CTNNA2: variants seen among roughly 807,000 people sequenced by gnomAD.
CTNNA2 encodes the protein catenin alpha-2.
CTNNA2 carries 42 observed loss-of-function variants against 101.0 expected under a neutral mutation model. The ratio of observed to expected loss-of-function variants is 0.42; its 90% CI spans 0.32 to 0.54. CTNNA2 has a LOEUF of 0.54. CTNNA2 is among the 20% of genes least tolerant of loss of function. The pLI, the probability that CTNNA2 is intolerant of heterozygous loss-of-function variation, is 0.14. For synonymous variants in CTNNA2, 450 were observed against 456.4 expected, an observed-to-expected ratio of 0.99 and a Z score of 0.18; for missense variants, 871 against 1,223.1, an observed-to-expected ratio of 0.71 and a Z score of 4.29.
chr2:79,949,528 G>C (rs1688733322), intron 7 of CTNNA2, among the ~76,000 whole-genome samples: 1 of 152,168 alleles, frequency 6.6e-6, no homozygotes, highest in South Asian at 2.1e-4. Flanking sequence ...AGTACTTTGG[G>C]AGGCAAAGGC....
intron 4 of CTNNA2, among the ~76,000 whole-genome samples, chr2:79,415,075 C>A (rs1678463042): frequency 6.6e-6 from 1 of 152,152 alleles, no homozygotes; most frequent in Non-Finnish European, 1.5e-5. Flanking sequence ...CTCTCCAAAC[C>A]TCAGGTTGAA....
chr2:80,199,150 C>T (rs1487967475), intron 7 of CTNNA2, among the ~76,000 whole-genome samples: 2 of 130,608 alleles, frequency 1.5e-5, no homozygotes. Context: ...CATTGCACTC[C>T]AGCCTGGGAG....
chr2:80,245,795 T>TG (rs1491133172), intron 7 of CTNNA2, among the ~76,000 whole-genome samples: 18 of 32,332 alleles, frequency 5.6e-4, no homozygotes, highest in African/African-American at 4.1e-3. Flanking sequence ...ATGATTTAAC[T>TG]TTTTTTTTTT....
chr2:79,566,647 G>C lies in CTNNA2; in HGVS notation c.-6+53440G>C, dbSNP rs550688734. ...TCATATGAGATAATTATGATTATTTGAGTGAAAGAAAATACAATACTTTTT... is the reference window on the plus strand; with the variant it reads ...TCATATGAGATAATTATGATTATTTCAGTGAAAGAAAATACAATACTTTTT... On this transcript the variant is annotated intron_variant, in intron 1 of 18. Coordinates refer to ENST00000402739, the MANE Select transcript of CTNNA2 (RefSeq NM_001282597.3). Among the ~76,000 whole-genome samples the C allele has an allele frequency of 1.6e-4, 24 of 152,156 alleles. No homozygotes were observed. The East Asian group carries it at 4.6e-3, about 29-fold the overall frequency.
chr2:79,438,441 C>T lies in CTNNA2; in HGVS notation c.-135+64428C>T, dbSNP rs1486482561. Among the ~76,000 whole-genome samples, 3 of 152,260 alleles carry T rather than the reference C, an allele frequency of 2.0e-5. No individual in the cohort carries two copies. The East Asian group carries it at 5.8e-4, about 29-fold the overall frequency. On this transcript the variant is annotated intron_variant, in intron 4 of 21. Transcript: ENST00000466387. ...CTATGAAAGAGCAACATCTACATTACTGGAAAACAGGATGGTCGGCCCCTC... is the reference window on the plus strand; with the variant it reads ...CTATGAAAGAGCAACATCTACATTATTGGAAAACAGGATGGTCGGCCCCTC...
intron 3 of CTNNA2, among the ~76,000 whole-genome samples, chr2:79,827,833 G>A (rs1678566771): frequency 6.6e-6 from 1 of 152,194 alleles, no homozygotes; most frequent in Non-Finnish European, 1.5e-5. Flanking sequence ...GTAGTCACAT[G>A]GGATGAATTG....
chr2:79,870,007 G>C (rs1417669924), intron 5 of CTNNA2, 72 bp downstream of exon 5: 1 of 1,546,794 alleles, frequency 6.5e-7, no homozygotes, highest in African/African-American at 1.4e-5. Flanking sequence ...TTTTAGGCCT[G>C]AACAATGGAT....
chr2:79,996,341 G>A (rs1205108991), intron 7 of CTNNA2, among the ~76,000 whole-genome samples: 1 of 152,010 alleles, frequency 6.6e-6, no homozygotes, highest in Non-Finnish European at 1.5e-5. Flanking sequence ...TTGATATTTG[G>A]CCTCCTCTCT....
At chr2:80,166,349 T>C (rs11688887) in intron 7 of CTNNA2, among the ~76,000 whole-genome samples, 4,755 of 152,244 alleles carry the variant, frequency 0.031, 82 homozygotes, top group African/African-American at 0.048. Context: ...GGACTGGAGA[T>C]TGACTCAGTC....
At chr2:80,374,682 C>CGT (rs57179557) in intron 7 of CTNNA2, among the ~76,000 whole-genome samples, 2,821 of 133,954 alleles carry the variant, frequency 0.021, 53 homozygotes, top group East Asian at 0.092. Context: ...TGCGTGCGTG[C>CGT]GTGTGTGTGT....
intron 7 of CTNNA2, among the ~76,000 whole-genome samples, chr2:79,991,014 T>A (rs1692136058): frequency 6.6e-6 from 1 of 152,222 alleles, no homozygotes; most frequent in Admixed American, 6.5e-5. Flanking sequence ...AGGGTGTATG[T>A]GTCCAGGAGT....
intron 2 of CTNNA2, among the ~76,000 whole-genome samples, chr2:79,268,506 A>T (rs949543202): frequency 6.6e-6 from 1 of 152,124 alleles, no homozygotes; most frequent in East Asian, 1.9e-4. Flanking sequence ...TGAGCTGCTC[A>T]CACTAATTAA....
At position 80,393,273 on chromosome 2, in the gene CTNNA2, A is replaced by C. The variant is rs1677690634; in HGVS notation, c.1119A>C (p.Thr373=). 2 of 1,610,528 alleles carry C rather than the reference A, an allele frequency of 1.2e-6. No individual in the cohort carries two copies. Among genetic ancestry groups the C allele is most frequent in the African/African-American group, 1.3e-5 (1 of 74,774 alleles). The change falls in exon 8 of 19, where the codon ACA becomes ACC. Residue 373 remains threonine, a synonymous_variant. Transcript: ENST00000402739. ...NIAIDKMTKK[T]RDLRRQLRKA... ...CGATTGATAAGATGACTAAGAAAAC[A>C]AGAGATCTAAGGAGACAGGTACTAT...
At chr2:79,258,881 A>G (rs928796760) in intron 2 of CTNNA2, among the ~76,000 whole-genome samples, 3 of 148,948 alleles carry the variant, frequency 2.0e-5, no homozygotes, top group Admixed American at 6.7e-5. Context: ...AGGCAAACGA[A>G]TCTGATTGTA....
intron 1 of CTNNA2, among the ~76,000 whole-genome samples, chr2:79,556,046 G>T (rs1674423230): frequency 6.6e-6 from 1 of 151,924 alleles, no homozygotes; most frequent in African/African-American, 2.4e-5. Flanking sequence ...TATAGTCCTT[G>T]TTTTTATTTT....
chr2:79,989,087 A>G (rs1176245958), intron 7 of CTNNA2, among the ~76,000 whole-genome samples: 1 of 152,236 alleles, frequency 6.6e-6, no homozygotes, highest in Non-Finnish European at 1.5e-5. Context: ...TAGGCAAAAG[A>G]AGACAGGATG....
chr2:79,902,864 A>G (rs1685157855), intron 6 of CTNNA2, among the ~76,000 whole-genome samples: 1 of 152,036 alleles, frequency 6.6e-6, no homozygotes, highest in South Asian at 2.1e-4. Context: ...TGACCTTGTG[A>G]TCTGCCTGCC....
At chr2:79,465,419 T>C (rs1393038032) in intron 4 of CTNNA2, among the ~76,000 whole-genome samples, 1 of 152,238 alleles carries the variant, frequency 6.6e-6, no homozygotes, top group Non-Finnish European at 1.5e-5. Flanking sequence ...GGTAGCCTGA[T>C]GCCTCCAGCT....
At chr2:79,715,255 A>G (rs1337078613) in intron 2 of CTNNA2, among the ~76,000 whole-genome samples, 2 of 149,110 alleles carry the variant, frequency 1.3e-5, no homozygotes, top group East Asian at 4.0e-4. Flanking sequence ...TTAAGGATCT[A>G]GGGGTATTTA....
Sources: allele counts gnomAD v4.1 joint callset (sites outside exome capture counted in the v4.1 genomes callset), GRCh38; gene constraint gnomAD v4.1.1; transcripts MANE v1.5; gene names NCBI Gene and HGNC (gene_info 2026-07-23, HGNC 2026-07-21).